Variants in MCTP1 observed in about 807,000 individuals in gnomAD.
The protein encoded by MCTP1 is multiple C2 and transmembrane domain-containing protein 1.
Under a neutral mutation model 120.6 loss-of-function variants are expected in MCTP1, and 69 were observed. That is an observed-to-expected ratio of 0.57 (90% CI 0.47 to 0.70). The LOEUF (loss-of-function observed/expected upper bound fraction) is 0.70, where lower values mean the gene tolerates loss of function less well. Ranked by LOEUF, MCTP1 falls within the 30% of genes least tolerant of loss-of-function variation. The pLI, the probability that MCTP1 is intolerant of heterozygous loss-of-function variation, is 0.00. For missense variants in MCTP1, 1,203 were observed against 1,248.8 expected, an observed-to-expected ratio of 0.96 and a Z score of 0.55; for synonymous variants, 529 against 493.1, an observed-to-expected ratio of 1.07 and a Z score of -0.96.
At chr5:94,715,950 T>G (rs1323142125) in intron 19 of MCTP1, among the ~76,000 whole-genome samples, 2 of 152,232 alleles carry the variant, frequency 1.3e-5, no homozygotes, top group African/African-American at 2.4e-5. Flanking sequence ...GAAGCTAGAA[T>G]AATAATGTCA....
chr5:95,192,141 TA>T (rs574787380), intron 1 of MCTP1, among the ~76,000 whole-genome samples: 1 of 149,612 alleles, frequency 6.7e-6, no homozygotes, highest in Non-Finnish European at 1.5e-5. Context: ...TCCCAAGGGA[TA>T]AAAAAAAGTT....
At chr5:94,973,775 G>C (rs1286593779) in intron 2 of MCTP1, among the ~76,000 whole-genome samples, 1 of 152,022 alleles carries the variant, frequency 6.6e-6, no homozygotes, top group East Asian at 1.9e-4. Flanking sequence ...TTCTGAGGGG[G>C]ATGAAAAGGC....
chr5:94,743,713 C>G (rs976798136), intron 19 of MCTP1, among the ~76,000 whole-genome samples: 1 of 147,414 alleles, frequency 6.8e-6, no homozygotes. Context: ...TCTCGGCTCA[C>G]TGCAAGCTCC....
At chr5:95,111,981 T>G (rs967724045) in intron 1 of MCTP1, among the ~76,000 whole-genome samples, 2 of 152,196 alleles carry the variant, frequency 1.3e-5, no homozygotes, top group Non-Finnish European at 2.9e-5. Flanking sequence ...ATCTAACTTA[T>G]CTTGGTATTT....
chr5:95,247,468 TTTAA>T (rs1756926770), intron 1 of MCTP1, among the ~76,000 whole-genome samples: 2 of 152,190 alleles, frequency 1.3e-5, no homozygotes, highest in African/African-American at 4.8e-5. Flanking sequence ...CTCTAGTTCT[TTTAA>T]TTGTGATGTT....
intron 1 of MCTP1, among the ~76,000 whole-genome samples, chr5:95,153,728 G>C (rs1041529235): frequency 6.6e-6 from 1 of 152,192 alleles, no homozygotes; most frequent in African/African-American, 2.4e-5. Context: ...TGCTGTCTCC[G>C]AGGAGTGATC....
intron 17 of MCTP1, among the ~76,000 whole-genome samples, chr5:94,833,717 T>A (rs990516375): frequency 6.6e-6 from 1 of 152,196 alleles, no homozygotes; most frequent in Admixed American, 6.5e-5. Context: ...TTCTGTTAAA[T>A]GTATTAATAT....
At chr5:95,154,033 C>T (rs1223175906) in intron 1 of MCTP1, among the ~76,000 whole-genome samples, 1 of 152,086 alleles carries the variant, frequency 6.6e-6, no homozygotes, top group African/African-American at 2.4e-5. Context: ...AACAAATATT[C>T]CTTTATGATA....
intron 2 of MCTP1, among the ~76,000 whole-genome samples, chr5:94,962,970 G>A (rs909034615): frequency 6.6e-6 from 1 of 152,076 alleles, no homozygotes; most frequent in Non-Finnish European, 1.5e-5. Flanking sequence ...TTCCAAGTTG[G>A]CACCTTGCTG....
At chr5:95,280,669 C>G (rs1380435222) in intron 1 of MCTP1, among the ~76,000 whole-genome samples, 1 of 151,916 alleles carries the variant, frequency 6.6e-6, no homozygotes. Context: ...TCCTTATTCT[C>G]AAAACAGAAC....
intron 1 of MCTP1, among the ~76,000 whole-genome samples, chr5:95,151,673 A>G (rs1285361246): frequency 6.6e-6 from 1 of 152,004 alleles, no homozygotes; most frequent in African/African-American, 2.4e-5. Context: ...ATTTCAACCA[A>G]TTTTTCCACT....
At chr5:95,102,445 TG>T (rs1167729976) in intron 1 of MCTP1, among the ~76,000 whole-genome samples, 2 of 152,196 alleles carry the variant, frequency 1.3e-5, no homozygotes, top group African/African-American at 4.8e-5. Flanking sequence ...GCCACAAAGT[TG>T]AAGGGTGGTT....
intron 1 of MCTP1, among the ~76,000 whole-genome samples, chr5:95,040,774 G>A (rs920232073): frequency 6.6e-6 from 1 of 152,202 alleles, no homozygotes; most frequent in Non-Finnish European, 1.5e-5. Context: ...GGTTGGGTAT[G>A]TGACCTAAGC....
chr5:94,852,469 A>T (rs1793946444), intron 17 of MCTP1, among the ~76,000 whole-genome samples: 1 of 151,928 alleles, frequency 6.6e-6, no homozygotes, highest in African/African-American at 2.4e-5. Flanking sequence ...TTCCTACTGC[A>T]TTTTAGATGT....
chr5:94,840,485 G>T (rs964841134), intron 17 of MCTP1, among the ~76,000 whole-genome samples: 2 of 152,170 alleles, frequency 1.3e-5, no homozygotes. Flanking sequence ...GATTTTAACC[G>T]CTGTTGGGAT....
chr5:95,266,315 G>C (rs1758880278), intron 1 of MCTP1, among the ~76,000 whole-genome samples: 1 of 152,154 alleles, frequency 6.6e-6, no homozygotes, highest in Admixed American at 6.5e-5. Context: ...TTTTACCCAA[G>C]GGTATTAACT....
intron 12 of MCTP1, among the ~76,000 whole-genome samples, chr5:94,881,837 G>A (rs1273365705): frequency 6.6e-6 from 1 of 152,066 alleles, no homozygotes; most frequent in Non-Finnish European, 1.5e-5. Context: ...ATTCTCAATT[G>A]ACGTGATTTT....
chr5:94,932,151 G>C (rs762992466), intron 5 of MCTP1, among the ~76,000 whole-genome samples, 160 bp from the exon 6 acceptor site: 1 of 136,606 alleles, frequency 7.3e-6, no homozygotes, highest in Non-Finnish European at 1.5e-5. Context: ...CACACAACTA[G>C]AGAAACAACT....
intron 1 of MCTP1, among the ~76,000 whole-genome samples, chr5:95,268,237 A>G (rs572113418): frequency 3.1e-4 from 47 of 152,392 alleles, no homozygotes; most frequent in Non-Finnish European, 5.1e-4. Flanking sequence ...TTAACAAGAT[A>G]CTATGTCTAC....
Sources: gnomAD v4.1 joint callset for allele counts (sites outside exome capture counted in the v4.1 genomes callset) on GRCh38, gnomAD v4.1.1 for gene constraint, MANE v1.5 for transcripts, NCBI Gene and HGNC (gene_info 2026-07-23, HGNC 2026-07-21) for gene names.